The following DPCD variants were observed in gnomAD, a reference collection of about 807,000 sequenced individuals.
DPCD encodes the protein protein DPCD.
A neutral mutation model predicts 26.4 loss-of-function variants in DPCD; 20 were observed. That is an observed-to-expected ratio of 0.76 (90% CI 0.53 to 1.10). The LOEUF (loss-of-function observed/expected upper bound fraction) is 1.10, where lower values mean the gene tolerates loss of function less well. Ranked by LOEUF, DPCD falls within the 50% of genes least tolerant of loss-of-function variation. The pLI, the probability that DPCD is intolerant of heterozygous loss-of-function variation, is 0.00. For synonymous variants in DPCD, 97 were observed against 94.2 expected (o/e 1.03, Z -0.17); for missense variants, 202 against 253.9 (o/e 0.80, Z 1.39).
At chr10:101,598,732 C>T (rs1000645496) in intron 2 of DPCD, among the ~76,000 whole-genome samples, 12 of 144,754 alleles carry the variant, frequency 8.3e-5, no homozygotes, top group Non-Finnish European at 1.3e-4. Context: ...TCAAGCGATT[C>T]TCCTGCCTCA....
At position 101,600,880 on chromosome 10, in the gene DPCD, G is replaced by A; in HGVS notation, c.270+18G>A. The A allele has an allele frequency of 1.2e-6, 2 of 1,613,942 alleles. No individual in the cohort carries two copies. The highest frequency in any genetic ancestry group is 1.7e-5 in the Admixed American group (1 of 60,008). On this transcript the variant is annotated intron_variant, in intron 3 of 5. Coordinates refer to ENST00000370151, the MANE Select transcript of DPCD (RefSeq NM_015448.3). This position sits in a 1 kb window ranked among gnomAD's most constrained non-coding sequence, Gnocchi z 4.7. ...ATGCCAATGTACGTCCATCTGTCCA[G>A]GTGTCTTGCACGGACTGAGGTGGGG...
Position 101,601,345 on chromosome 10 carries a change from C to G in DPCD, c.404+9C>G, listed in dbSNP as rs755246984. 6.8e-6 allele frequency: 11 copies of G among 1,613,044 alleles called. No individual in the cohort carries two copies. Among genetic ancestry groups the G allele is most frequent in the Middle Eastern group, 1.6e-4 (1 of 6,080 alleles). On this transcript the variant is annotated intron_variant, in intron 4 of 5. Coordinates refer to ENST00000370151, the MANE Select transcript of DPCD (RefSeq NM_015448.3). Reference sequence around the variant, plus strand: ...AGAACAACCAACAAGAAGTGAGTAGCGTGGAAGGCACCCTGTGTGCTTGTG... The same window carrying G: ...AGAACAACCAACAAGAAGTGAGTAGGGTGGAAGGCACCCTGTGTGCTTGTG...
At chr10:101,594,177 A>G (rs200351247) in intron 1 of DPCD, among the ~76,000 whole-genome samples, 28 of 96,708 alleles carry the variant, frequency 2.9e-4, no homozygotes, top group East Asian at 8.2e-4. Flanking sequence ...TCCTGAACAC[A>G]TAGAGAGATA....
chr10:101,598,027 C>T (rs1589724380), intron 2 of DPCD, among the ~76,000 whole-genome samples: 1 of 152,084 alleles, frequency 6.6e-6, no homozygotes, highest in South Asian at 2.1e-4. Flanking sequence ...TGTCAAGTTC[C>T]CTGAGTGGTT....
chr10:101,593,554 G>A (rs1157174183), intron 1 of DPCD, among the ~76,000 whole-genome samples: 1 of 152,058 alleles, frequency 6.6e-6, no homozygotes, highest in Non-Finnish European at 1.5e-5. Context: ...ATGCTCCAGG[G>A]GTAGAGGAAT....
intron 4 of DPCD, among the ~76,000 whole-genome samples, chr10:101,605,366 C>T (rs1369139680): frequency 2.0e-5 from 3 of 152,086 alleles, no homozygotes; most frequent in Non-Finnish European, 4.4e-5. Flanking sequence ...TGGTGGGAGG[C>T]AATAGATCAT....
intron 4 of DPCD, among the ~76,000 whole-genome samples, chr10:101,607,294 C>T (rs1204511740): frequency 6.6e-6 from 1 of 152,208 alleles, no homozygotes; most frequent in Non-Finnish European, 1.5e-5. Flanking sequence ...ACCAAAGGCC[C>T]CAGGAAGAGC....
chr10:101,597,165 G>T (rs1564892719), intron 2 of DPCD, among the ~76,000 whole-genome samples: 1 of 152,214 alleles, frequency 6.6e-6, no homozygotes, highest in Non-Finnish European at 1.5e-5. Flanking sequence ...CCATCCCCCA[G>T]CGATTACATT....
intron 4 of DPCD, among the ~76,000 whole-genome samples, chr10:101,604,038 GAGCCACCAC>G (rs2063717009): frequency 6.6e-6 from 1 of 152,190 alleles, no homozygotes; most frequent in Admixed American, 6.5e-5. Context: ...TTACAAGCAT[GAGCCACCAC>G]ACCCAGACCA....
At chr10:101,597,462 G>C (rs1041462232) in intron 2 of DPCD, among the ~76,000 whole-genome samples, 1 of 152,218 alleles carries the variant, frequency 6.6e-6, no homozygotes, top group East Asian at 1.9e-4. Flanking sequence ...AGTGGGCCAG[G>C]GTTTGGAGCT....
intron 3 of DPCD, among the ~76,000 whole-genome samples, 167 bp from the exon 4 acceptor site, chr10:101,601,036 G>A (rs1394418256): frequency 1.3e-5 from 2 of 152,080 alleles, no homozygotes; most frequent in East Asian, 1.9e-4. Flanking sequence ...TGGCTTGATC[G>A]TCCCAGGGCG....
At chr10:101,596,824 A>G (rs547285110) in intron 2 of DPCD, among the ~76,000 whole-genome samples, 143 of 152,038 alleles carry the variant, frequency 9.4e-4, no homozygotes, top group Non-Finnish European at 1.9e-3. Flanking sequence ...GGCAATAAAT[A>G]GGAATAGTTT....
At position 101,588,395 on chromosome 10, in the gene DPCD, A is replaced by G. The variant is rs759322292; in HGVS notation, c.59A>G (p.Gln20Arg). The change falls in exon 1 of 6, where the codon CAG becomes CGG. Residue 20 changes from glutamine to arginine, a missense_variant. Transcript: ENST00000370151. ...ACAGCCCAGAAGACTGCGCTGCTGC[A>G]GGACGGTAACTCGAGGGTCCCCACG... is the stretch of plus-strand genomic sequence containing the variant. ...LRTAQKTALL[Q>R]DGRRKVHYLF... The G allele has an allele frequency of 6.3e-7, 1 of 1,593,894 alleles. No homozygotes were observed. The highest frequency in any genetic ancestry group is 1.7e-5 in the Admixed American group (1 of 57,376).
Position 101,604,417 on chromosome 10 carries a change from A to G in DPCD, c.404+3081A>G, listed in dbSNP as rs1215818302. ...CCTGCCCCAGTTCTAATATTCTGGAATGTGGTTACTAACCAAAGCCAGAGT... is the reference window on the plus strand; with the variant it reads ...CCTGCCCCAGTTCTAATATTCTGGAGTGTGGTTACTAACCAAAGCCAGAGT... On this transcript the variant is annotated intron_variant, in intron 4 of 5. Coordinates refer to ENST00000370151, the MANE Select transcript of DPCD (RefSeq NM_015448.3). 2.0e-5 allele frequency among the ~76,000 whole-genome samples: 3 copies of G among 152,178 alleles called. No homozygotes were observed. In the East Asian group the frequency reaches 5.8e-4, roughly 29 times the overall value.
rs186834281 is a variant in DPCD, at chr10:101,608,023, C to T, written c.405-812C>T. 4.6e-5 allele frequency among the ~76,000 whole-genome samples: 7 copies of T among 152,234 alleles called. No homozygotes were observed. The East Asian group carries it at 1.4e-3, about 29-fold the overall frequency. On this transcript the variant is annotated intron_variant, in intron 4 of 5. Transcript: ENST00000370151. ...TATTTCATCTCTCTGAGCCCGAGTT[C>T]CCTTTTAGGTAAGGGGGGTCAAATT...
intron 1 of DPCD, among the ~76,000 whole-genome samples, chr10:101,589,936 C>T (rs889529116): frequency 1.3e-5 from 2 of 151,948 alleles, no homozygotes; most frequent in African/African-American, 2.4e-5. Context: ...CCTGTAGTCC[C>T]AGCTACTTGT....
rs183108669 is a variant in DPCD at position 101,601,384 on chromosome 10, T to C, written c.404+48T>C. 1.9e-6 allele frequency: 3 copies of C among 1,603,374 alleles called. No homozygotes were observed. In the Admixed American group the frequency reaches 5.0e-5, roughly 27 times the overall value. ...TGTGTGCTTGTGTATGAGCGGGGTGTAGGGTGGGGTTTGATCTGGCGTTAG... is the reference window on the plus strand; with the variant it reads ...TGTGTGCTTGTGTATGAGCGGGGTGCAGGGTGGGGTTTGATCTGGCGTTAG... On this transcript the variant is annotated intron_variant, in intron 4 of 5. Transcript: ENST00000370151.
chr10:101,590,021 C>A (rs1198530629), intron 1 of DPCD, among the ~76,000 whole-genome samples: 1 of 150,344 alleles, frequency 6.7e-6, no homozygotes, highest in African/African-American at 2.5e-5. Context: ...CCAGTGCACT[C>A]CAGCTTGGGC....
intron 4 of DPCD, among the ~76,000 whole-genome samples, chr10:101,608,388 A>G (rs995027156): frequency 6.6e-6 from 1 of 152,240 alleles, no homozygotes; most frequent in Non-Finnish European, 1.5e-5. Context: ...GTAAATGGTA[A>G]CAGTAGGGCC....
Sources: gnomAD v4.1 joint callset for allele counts (sites outside exome capture counted in the v4.1 genomes callset) on GRCh38, gnomAD v4.1.1 for gene constraint, Gnocchi (gnomAD v3.1) non-coding constraint, MANE v1.5 for transcripts, NCBI Gene and HGNC (gene_info 2026-07-23, HGNC 2026-07-21) for gene names.